The following ARHGAP10 variants were observed in gnomAD, a reference collection of about 807,000 sequenced individuals.
ARHGAP10 encodes the protein rho GTPase-activating protein 10.
A neutral mutation model predicts 108.6 loss-of-function variants in ARHGAP10; 87 were observed. That is an observed-to-expected ratio of 0.80 (90% CI 0.67 to 0.96). The LOEUF (loss-of-function observed/expected upper bound fraction) is 0.96. Among genes scored for constraint, ARHGAP10 ranks in the 40% least tolerant of loss-of-function variants. The pLI, the probability that ARHGAP10 is intolerant of heterozygous loss-of-function variation, is 0.00. For missense variants in ARHGAP10, 939 were observed against 954.5 expected (o/e 0.98, Z 0.21); for synonymous variants, 347 against 341.1 (o/e 1.02, Z -0.19).
At chr4:147,999,618 C>A (rs916298780) in intron 18 of ARHGAP10, among the ~76,000 whole-genome samples, 1 of 152,210 alleles carries the variant, frequency 6.6e-6, no homozygotes, top group Non-Finnish European at 1.5e-5. Flanking sequence ...GAGCTGAACA[C>A]TAGTCACTGG....
At chr4:147,982,035 T>C (rs1298986462) in intron 18 of ARHGAP10, among the ~76,000 whole-genome samples, 1 of 152,196 alleles carries the variant, frequency 6.6e-6, no homozygotes, top group East Asian at 1.9e-4. Context: ...CTATGTCTTT[T>C]ATTTTTAGTC....
Position 147,780,484 on chromosome 4 carries a change from A to G in ARHGAP10, c.155-42243A>G, listed in dbSNP as rs149845039. On this transcript the variant is annotated intron_variant, in intron 1 of 22. Coordinates refer to ENST00000336498, the MANE Select transcript of ARHGAP10 (RefSeq NM_024605.4). ...AAAGAGGGCAGTGTTTATAGAGGTGATGAAATGCTGTGCTCAGCTTGGTCT... is the reference window on the plus strand; with the variant it reads ...AAAGAGGGCAGTGTTTATAGAGGTGGTGAAATGCTGTGCTCAGCTTGGTCT... 3.6e-4 allele frequency among the ~76,000 whole-genome samples: 55 copies of G among 152,264 alleles called. 1 individual carries two copies. Among genetic ancestry groups the G allele is most frequent in the African/African-American group, 1.3e-3 (52 of 41,560 alleles).
At chr4:147,848,540 G>C (rs1168312358) in intron 4 of ARHGAP10, among the ~76,000 whole-genome samples, 2 of 152,168 alleles carry the variant, frequency 1.3e-5, no homozygotes, top group Non-Finnish European at 2.9e-5. Flanking sequence ...TTATGATTTT[G>C]TTTTGATTGT....
intron 16 of ARHGAP10, among the ~76,000 whole-genome samples, chr4:147,961,067 C>T (rs943295390): frequency 2.6e-5 from 4 of 152,244 alleles, no homozygotes; most frequent in Middle Eastern, 3.4e-3. Context: ...TATATACCTA[C>T]GAGTGGAATT....
chr4:147,844,528 C>T (rs1405637693), intron 3 of ARHGAP10, among the ~76,000 whole-genome samples: 1 of 152,194 alleles, frequency 6.6e-6, no homozygotes, highest in Non-Finnish European at 1.5e-5. Context: ...TCTCTATCTC[C>T]ATGAGTTCAA....
intron 14 of ARHGAP10, among the ~76,000 whole-genome samples, chr4:147,943,077 A>G (rs1267068543): frequency 2.0e-5 from 3 of 152,236 alleles, no homozygotes; most frequent in African/African-American, 7.2e-5. Flanking sequence ...TGGAGTGAGA[A>G]TGTAAAATAT....
intron 5 of ARHGAP10, chr4:147,863,820 A>T (rs1560797657): frequency 1.3e-5 from 2 of 152,214 alleles, no homozygotes; most frequent in Admixed American, 1.3e-4. Flanking sequence ...TACTTAAAGC[A>T]CTATTTTTCA....
At chr4:147,891,764 C>T (rs1036095236) in intron 10 of ARHGAP10, among the ~76,000 whole-genome samples, 2 of 152,160 alleles carry the variant, frequency 1.3e-5, no homozygotes, top group Admixed American at 1.3e-4. Flanking sequence ...ATGATTAGGT[C>T]TCTCATTTTT....
In ARHGAP10 at chr4:147,854,707, T is replaced by C. The variant is rs553407912; in HGVS notation, c.385-2846T>C. 3.6e-5 allele frequency: 35 copies of C among 984,118 alleles called. No homozygotes were observed. In the East Asian group the frequency reaches 3.6e-3, roughly 102 times the overall value. 61.0% of individuals were successfully genotyped at this position (984,118 alleles called of 1,614,324 possible). ...AAATCATATGAGCACAAAGAAACAA[T>C]AATACTCTATAATGACATTAAGAAC... On this transcript the variant is annotated intron_variant, in intron 4 of 22. Coordinates refer to ENST00000336498, the MANE Select transcript of ARHGAP10 (RefSeq NM_024605.4).
chr4:148,041,077 T>C (rs1728615490), intron 19 of ARHGAP10, among the ~76,000 whole-genome samples: 1 of 152,246 alleles, frequency 6.6e-6, no homozygotes, highest in African/African-American at 2.4e-5. Context: ...AATGCATGAC[T>C]GTGAGGTTTG....
At chr4:147,820,427 A>G (rs1732437362) in intron 1 of ARHGAP10, among the ~76,000 whole-genome samples, 1 of 151,886 alleles carries the variant, frequency 6.6e-6, no homozygotes, top group South Asian at 2.1e-4. Flanking sequence ...CTGGGACTAC[A>G]GGCAACCGCC....
intron 3 of ARHGAP10, among the ~76,000 whole-genome samples, chr4:147,840,827 C>G (rs1402806919): frequency 6.6e-6 from 1 of 152,160 alleles, no homozygotes; most frequent in Non-Finnish European, 1.5e-5. Context: ...ATTCTTTTAT[C>G]CAGCATTCCT....
Position 148,063,316 on chromosome 4 carries a change from T to G in ARHGAP10, c.2180+16T>G, listed in dbSNP as rs144804584. 457 of 1,613,584 alleles carry G rather than the reference T, an allele frequency of 2.8e-4. No individual in the cohort carries two copies. Among genetic ancestry groups the G allele is most frequent in the Non-Finnish European group, 3.7e-4 (437 of 1,179,870 alleles). On this transcript the variant is annotated intron_variant, in intron 21 of 22. Transcript: ENST00000336498. ...CACCTGAAAGGTACGTGGTTTGGAG[T>G]GGAATGTGGAATATGGTGGCAGCAC...
chr4:148,011,808 G>C (rs759572952), intron 18 of ARHGAP10, among the ~76,000 whole-genome samples: 6 of 152,178 alleles, frequency 3.9e-5, no homozygotes, highest in Non-Finnish European at 2.9e-5. Context: ...GACACCCTGA[G>C]AATATTTAAG....
intron 19 of ARHGAP10, among the ~76,000 whole-genome samples, chr4:148,040,649 T>G (rs1728591709): frequency 6.6e-6 from 1 of 152,122 alleles, no homozygotes; most frequent in Non-Finnish European, 1.5e-5. Context: ...GCCAGAACCC[T>G]GCAGGGTTTA....
intron 18 of ARHGAP10, among the ~76,000 whole-genome samples, chr4:147,969,209 C>G (rs1479508571): frequency 2.0e-5 from 3 of 151,944 alleles, no homozygotes; most frequent in Non-Finnish European, 4.4e-5. Context: ...GCAGTTCTAG[C>G]TTGTTGCTAA....
intron 3 of ARHGAP10, among the ~76,000 whole-genome samples, chr4:147,837,054 A>T (rs1733199768): frequency 6.6e-6 from 1 of 152,166 alleles, no homozygotes; most frequent in African/African-American, 2.4e-5. Context: ...TTTTGTCAAC[A>T]TTAGTCTTTT....
At chr4:148,069,865 A>G (rs369979897) in intron 22 of ARHGAP10, among the ~76,000 whole-genome samples, 6 of 152,112 alleles carry the variant, frequency 3.9e-5, no homozygotes, top group African/African-American at 1.4e-4. Context: ...ATAGAATCCA[A>G]AGCTTTTCCC....
intron 6 of ARHGAP10, 92 bp downstream of exon 6, chr4:147,865,048 G>A: frequency 9.1e-7 from 1 of 1,104,720 alleles, no homozygotes; most frequent in Non-Finnish European, 1.3e-6. Context: ...ATAGTTACTA[G>A]AGGCCATAGT....
Sources: allele counts gnomAD v4.1 joint callset (sites outside exome capture counted in the v4.1 genomes callset), GRCh38; gene constraint gnomAD v4.1.1; transcripts MANE v1.5; gene names NCBI Gene and HGNC (gene_info 2026-07-23, HGNC 2026-07-21).